The following ABCB5 variants were observed in gnomAD, a reference collection of about 807,000 sequenced individuals.
ABCB5 encodes ATP binding cassette subfamily B member 5.
Under a neutral mutation model 144.2 loss-of-function variants are expected in ABCB5, and 155 were observed. The ratio of observed to expected loss-of-function variants is 1.08; its 90% CI spans 0.94 to 1.23. ABCB5 has a LOEUF of 1.23. Ranked by LOEUF, ABCB5 falls within the 50% of genes most tolerant of loss-of-function variation. The pLI is 0.00. For missense variants in ABCB5, 1,830 were observed against 1,520.8 expected (o/e 1.20, Z -3.38); for synonymous variants, 610 against 528.6 (o/e 1.15, Z -2.11).
At chr7:20,636,710 G>A (rs1480016603) in intron 5 of ABCB5, among the ~76,000 whole-genome samples, 2 of 149,846 alleles carry the variant, frequency 1.3e-5, no homozygotes, top group African/African-American at 4.9e-5. Flanking sequence ...ACCTGAACCT[G>A]GGAGTTAGAG....
intron 20 of ABCB5, among the ~76,000 whole-genome samples, chr7:20,712,635 T>A (rs1449016860): frequency 6.7e-6 from 1 of 149,626 alleles, no homozygotes; most frequent in Non-Finnish European, 1.5e-5. Flanking sequence ...CAATATTTAA[T>A]CTGCTATTGA....
At chr7:20,663,073 G>A (rs992202266) in intron 14 of ABCB5, among the ~76,000 whole-genome samples, 1 of 152,154 alleles carries the variant, frequency 6.6e-6, no homozygotes, top group Non-Finnish European at 1.5e-5. Context: ...TAAGTAATAG[G>A]TAGGCACAGT....
chr7:20,643,554 G>C lies in ABCB5; in HGVS notation c.600G>C (p.Leu200Phe). ...TTTCGATTGGCCTGGCAGTTGGTTT[G>C]GTGAAGGGCTGGAAACTCACCCTAG... is the stretch of plus-strand genomic sequence containing the variant. ...STFSIGLAVG[L>F]VKGWKLTLVT... Residue 200 changes from leucine to phenylalanine, a missense_variant, in exon 7 of 28, where the codon TTG (leucine) becomes TTC (phenylalanine). By Grantham distance (22) the Leu-to-Phe change is conservative (BLOSUM62 0). Coordinates refer to ENST00000404938, the MANE Select transcript of ABCB5 (RefSeq NM_001163941.2). 1.2e-6 allele frequency: 2 copies of C among 1,613,914 alleles called. No homozygotes were observed. Among genetic ancestry groups the C allele is most frequent in the Admixed American group, 1.7e-5 (1 of 59,998 alleles).
At chr7:20,720,924 A>G (rs966071215) in intron 20 of ABCB5, among the ~76,000 whole-genome samples, 1 of 139,036 alleles carries the variant, frequency 7.2e-6, no homozygotes, top group African/African-American at 2.7e-5. Context: ...AGCCTGGGCG[A>G]CAGAGCGAAA....
chr7:20,640,943 C>T (rs762043877), intron 5 of ABCB5, among the ~76,000 whole-genome samples: 7 of 152,118 alleles, frequency 4.6e-5, no homozygotes, highest in Non-Finnish European at 8.8e-5. Context: ...CCTTGGCCCT[C>T]TTCTCTTCTT....
intron 27 of ABCB5, 33 bp from the exon 28 acceptor site, chr7:20,755,394 A>C: frequency 1.2e-6 from 2 of 1,605,222 alleles, no homozygotes; most frequent in Non-Finnish European, 1.7e-6. Flanking sequence ...CATCTAACTC[A>C]AACTGGTGAT....
At chr7:20,645,419 TGA>T (rs1449157021) in intron 7 of ABCB5, among the ~76,000 whole-genome samples, 1 of 152,236 alleles carries the variant, frequency 6.6e-6, no homozygotes, top group Non-Finnish European at 1.5e-5. Context: ...GCAATAGTTA[TGA>T]ATTCACAGCT....
intron 1 of ABCB5, among the ~76,000 whole-genome samples, chr7:20,622,818 C>T (rs924202729): frequency 3.3e-5 from 5 of 152,114 alleles, no homozygotes; most frequent in South Asian, 2.1e-4. Flanking sequence ...TTGTTTGTTT[C>T]GTAAACTAGA....
At chr7:20,620,413 G>A (rs1015245736) in intron 1 of ABCB5, among the ~76,000 whole-genome samples, 1 of 151,920 alleles carries the variant, frequency 6.6e-6, no homozygotes, top group Non-Finnish European at 1.5e-5. Context: ...TTTTCTTCAA[G>A]ATTGAAAACT....
At chr7:20,688,841 C>A (rs1786098013) in intron 16 of ABCB5, among the ~76,000 whole-genome samples, 1 of 152,026 alleles carries the variant, frequency 6.6e-6, no homozygotes, top group Admixed American at 6.6e-5. Flanking sequence ...AAGCTGGAAA[C>A]CATCTTTCTC....
At chr7:20,755,358 T>C in intron 27 of ABCB5, 69 bp from the exon 28 acceptor site, 5 of 1,413,976 alleles carry the variant, frequency 3.5e-6, no homozygotes, top group Non-Finnish European at 4.9e-6. Context: ...CTACCTTAAT[T>C]GATTTGACTT....
At chr7:20,681,441 A>T in intron 14 of ABCB5, 64 bp from the exon 15 acceptor site, 1 of 1,552,562 alleles carries the variant, frequency 6.4e-7, no homozygotes, top group Non-Finnish European at 8.8e-7. Context: ...AAGATTTCTT[A>T]AACAGTGCAA....
In ABCB5 at chr7:20,628,725, T is replaced by C. The variant is rs745629947; in HGVS notation, c.146T>C (p.Ile49Thr). 4 of 1,613,530 alleles carry C rather than the reference T, an allele frequency of 2.5e-6. No homozygotes were observed. The South Asian group carries it at 3.3e-5, about 13-fold the overall frequency. ...FADGLDITLM[I>T]LGILASLVNG... The stretch of plus-strand genomic sequence containing the variant: ...GATGGACTGGACATCACACTCATGA[T>C]CCTGGGTATACTGGCATCACTGGTC... The change falls in exon 4 of 28, where the codon ATC becomes ACC. Residue 49 changes from isoleucine (I) to threonine (T), a missense_variant. Transcript: ENST00000404938.
At chr7:20,712,354 C>T (rs993210895) in intron 20 of ABCB5, among the ~76,000 whole-genome samples, 1 of 148,434 alleles carries the variant, frequency 6.7e-6, no homozygotes, top group African/African-American at 2.5e-5. Flanking sequence ...GAAATAGCTT[C>T]CTACTTGTTT....
chr7:20,746,558 T>G (rs959095039), intron 26 of ABCB5, among the ~76,000 whole-genome samples: 2 of 152,220 alleles, frequency 1.3e-5, no homozygotes, highest in Non-Finnish European at 1.5e-5. Context: ...AGTTATTTGT[T>G]TAGTGTTTCC....
rs564619265 is a variant in ABCB5, at chr7:20,745,511, T to G, written c.3429+73T>G. ...TAAGTAGCTACTGGGCCTATGCAGT[T>G]GTTTTTATGTATTCCTTGGATTATA... On this transcript the variant is annotated intron_variant, in intron 26 of 27. Coordinates refer to ENST00000404938, the MANE Select transcript of ABCB5 (RefSeq NM_001163941.2). The G allele has an allele frequency of 5.4e-6, 7 of 1,285,858 alleles. No homozygotes were observed. The African/African-American group carries it at 5.9e-5, about 11-fold the overall frequency. The allele number at this position is 1,285,858 out of a possible 1,614,324, so 79.7% of individuals were successfully genotyped here.
intron 16 of ABCB5, among the ~76,000 whole-genome samples, chr7:20,696,492 T>C (rs1414911690): frequency 6.6e-6 from 1 of 152,012 alleles, no homozygotes; most frequent in Non-Finnish European, 1.5e-5. Context: ...GTAATGGATA[T>C]GTTTATTATC....
chr7:20,619,924 T>G (rs1202408900), intron 1 of ABCB5, among the ~76,000 whole-genome samples: 2 of 152,166 alleles, frequency 1.3e-5, no homozygotes, highest in African/African-American at 2.4e-5. Context: ...CACCATTTTT[T>G]GGAGTCATTT....
intron 23 of ABCB5, among the ~76,000 whole-genome samples, chr7:20,736,972 T>C (rs1782399288): frequency 1.3e-5 from 2 of 151,986 alleles, no homozygotes; most frequent in Non-Finnish European, 2.9e-5. Context: ...GGCGGATCAC[T>C]AGGTCAGCAG....
Sources: gnomAD v4.1 joint callset for allele counts (sites outside exome capture counted in the v4.1 genomes callset) on GRCh38, gnomAD v4.1.1 for gene constraint, MANE v1.5 for transcripts, NCBI Gene and HGNC (gene_info 2026-07-23, HGNC 2026-07-21) for gene names.